MAP3K13: variants seen among roughly 807,000 people sequenced by gnomAD.
The protein encoded by MAP3K13 is mitogen-activated protein kinase kinase kinase 13.
MAP3K13 carries 52 observed loss-of-function variants against 104.0 expected under a neutral mutation model. The observed-to-expected ratio is 0.50, with a 90% CI of 0.40 to 0.63. MAP3K13 has a LOEUF of 0.63. Among genes scored for constraint, MAP3K13 ranks in the 20% least tolerant of loss-of-function variants. The pLI is 0.00. For missense variants in MAP3K13, 914 were observed against 1,218.5 expected, an observed-to-expected ratio of 0.75 and a Z score of 3.72; for synonymous variants, 394 against 442.2, an observed-to-expected ratio of 0.89 and a Z score of 1.37.
intron 7 of MAP3K13, among the ~76,000 whole-genome samples, chr3:185,453,800 TATATATATATGATACATATATATGAG>T (rs1409173075): frequency 4.5e-4 from 22 of 48,658 alleles, no homozygotes; most frequent in African/African-American, 6.4e-4. Flanking sequence ...ATATATGAGA[TATATATATATGATACATATATATGAG>T]ATATATATAT....
intron 1 of MAP3K13, among the ~76,000 whole-genome samples, chr3:185,284,991 G>C (rs1720458312): frequency 6.6e-6 from 1 of 151,940 alleles, no homozygotes; most frequent in Non-Finnish European, 1.5e-5. Context: ...CTGTTAGATG[G>C]GGTATAGTGG....
chr3:185,449,290 T>C (rs1487355620), intron 5 of MAP3K13, among the ~76,000 whole-genome samples: 1 of 151,252 alleles, frequency 6.6e-6, no homozygotes. Context: ...GCAGAATCGC[T>C]TGAACCCAGG....
intron 2 of MAP3K13, among the ~76,000 whole-genome samples, chr3:185,313,977 G>T (rs1252039155): frequency 1.3e-5 from 2 of 152,222 alleles, no homozygotes; most frequent in Non-Finnish European, 2.9e-5. Context: ...AGCAGAATGT[G>T]TTGCCAAGAA....
intron 1 of MAP3K13, among the ~76,000 whole-genome samples, chr3:185,368,416 T>C (rs1355772052): frequency 6.6e-6 from 1 of 152,220 alleles, no homozygotes; most frequent in Non-Finnish European, 1.5e-5. Context: ...TAAAATCTTC[T>C]GTAGCACTGC....
In MAP3K13 at chr3:185,320,083, C is replaced by CTTT. The variant is rs11382487; in HGVS notation, c.-86+34453_-86+34455dup. ...TGAAAACTATTTGCTATGTAAGTAA[C>CTTT]TTTTTTTTTTTTTTTGAGAAGGAGT... On this transcript the variant is annotated intron_variant, in intron 2 of 14. Transcript: ENST00000424227. 9.7e-5 allele frequency among the ~76,000 whole-genome samples: 14 copies of CTTT among 143,822 alleles called. 1 individual carries two copies. The highest frequency in any genetic ancestry group is 1.5e-4 in the Non-Finnish European group (10 of 66,172). 94.4% of individuals were successfully genotyped at this position (143,822 alleles called of 152,430 possible).
upstream of MAP3K13, among the ~76,000 whole-genome samples, chr3:185,360,818 C>CTTTTTTTTTTTTTTTTTTTTTTTTT: frequency 1.3e-5 from 1 of 78,092 alleles, no homozygotes; most frequent in Non-Finnish European, 2.4e-5. Flanking sequence ...ACAGCTTTAG[C>CTTTTTTTTTTTTTTTTTTTTTTTTT]TTTTTTTTTT....
rs948665365 is a variant in MAP3K13 at position 185,486,393 on chromosome 3, A to T, written c.*3937A>T. 1.3e-5 allele frequency: 2 copies of T among 152,182 alleles called. No individual in the cohort carries two copies. The highest frequency in any genetic ancestry group is 1.3e-4 in the Admixed American group (2 of 15,274). 9.4% of individuals were successfully genotyped at this position (152,182 alleles called of 1,614,324 possible). A position where few individuals can be genotyped will look rare whatever the true frequency, so the allele number is the denominator to read the frequency against. On this transcript the variant is annotated 3_prime_UTR_variant, in exon 14 of 14. Transcript: ENST00000265026. ...TAGAATTGACTAGAGGTTTCAGAGG[A>T]GAATAAGGTCCTTAGTGGAGGTTAA...
intron 2 of MAP3K13, chr3:185,328,547 G>C (rs947169590): frequency 2.0e-5 from 3 of 152,262 alleles, no homozygotes; most frequent in Admixed American, 2.0e-4. Context: ...ACTGCAGGTG[G>C]CTGGGAAAGT....
At chr3:185,381,187 T>C (rs1290502653) in intron 1 of MAP3K13, among the ~76,000 whole-genome samples, 1 of 152,098 alleles carries the variant, frequency 6.6e-6, no homozygotes, top group Non-Finnish European at 1.5e-5. Flanking sequence ...GATCTCGAAC[T>C]CCTGACTCAA....
chr3:185,352,477 G>A (rs1336370599), intron 2 of MAP3K13, among the ~76,000 whole-genome samples: 1 of 152,002 alleles, frequency 6.6e-6, no homozygotes, highest in Non-Finnish European at 1.5e-5. Flanking sequence ...AAGTAGGAGT[G>A]GGGATCAAGG....
chr3:185,325,847 G>A (rs540161886), intron 2 of MAP3K13, among the ~76,000 whole-genome samples: 2 of 152,304 alleles, frequency 1.3e-5, no homozygotes, highest in African/African-American at 4.8e-5. Flanking sequence ...CTTGATCTCT[G>A]CTTTGGCCAC....
rs111339475 is a variant in MAP3K13 at position 185,482,321 on chromosome 3, C to A, written c.2800-34C>A. ...TGACATATATTTACTGAGTGATTATCGAAATGAATTAAGGTTTTGTCTTGC... is the reference window on the plus strand; with the variant it reads ...TGACATATATTTACTGAGTGATTATAGAAATGAATTAAGGTTTTGTCTTGC... On this transcript the variant is annotated intron_variant, in intron 13 of 13. Coordinates refer to ENST00000265026, the MANE Select transcript of MAP3K13 (RefSeq NM_004721.5). This position sits in a 1 kb window ranked among gnomAD's most constrained non-coding sequence, Gnocchi z 4.5. 1 of 1,446,668 alleles carries A rather than the reference C, an allele frequency of 6.9e-7. No homozygotes were observed. The highest frequency in any genetic ancestry group is 1.1e-5 in the South Asian group (1 of 87,534). 89.6% of individuals were successfully genotyped at this position (1,446,668 alleles called of 1,614,324 possible). A position where few individuals can be genotyped will look rare whatever the true frequency, so the allele number is the denominator to read the frequency against.
intron 1 of MAP3K13, among the ~76,000 whole-genome samples, chr3:185,379,146 C>G (rs2108756728): frequency 6.6e-6 from 1 of 152,154 alleles, no homozygotes. Context: ...GACTTGCCAC[C>G]AAGGGAATGT....
chr3:185,476,998 C>T (rs1024556825), intron 11 of MAP3K13: 5 of 450,806 alleles, frequency 1.1e-5, no homozygotes, highest in Admixed American at 5.7e-5. Flanking sequence ...AGAGACTGAC[C>T]CCAAATCCAA....
At chr3:185,313,693 G>T (rs1721576900) in intron 2 of MAP3K13, among the ~76,000 whole-genome samples, 1 of 151,060 alleles carries the variant, frequency 6.6e-6, no homozygotes, top group African/African-American at 2.4e-5. Context: ...TAAAAATTTT[G>T]TAAAATACCT....
chr3:185,363,068 A>G, upstream of MAP3K13: 2 of 985,092 alleles, frequency 2.0e-6, no homozygotes, highest in Non-Finnish European at 2.4e-6. Flanking sequence ...TTCTAAAAGA[A>G]GGAAGGCCAT....
chr3:185,380,446 G>T (rs983920847), intron 1 of MAP3K13, among the ~76,000 whole-genome samples: 2 of 149,492 alleles, frequency 1.3e-5, no homozygotes, highest in East Asian at 4.0e-4. Context: ...GGGAGGCAGA[G>T]GTTGCAGTGA....
chr3:185,374,064 CA>C (rs1447877366), intron 1 of MAP3K13, among the ~76,000 whole-genome samples: 1 of 152,126 alleles, frequency 6.6e-6, no homozygotes, highest in African/African-American at 2.4e-5. Flanking sequence ...GGGGAGACTA[CA>C]AAGTACATTG....
chr3:185,369,272 A>G (rs1232906662), intron 1 of MAP3K13, among the ~76,000 whole-genome samples: 1 of 152,198 alleles, frequency 6.6e-6, no homozygotes, highest in East Asian at 1.9e-4. Flanking sequence ...TGTATTGTTT[A>G]TGTGCGGATA....
Sources: allele counts gnomAD v4.1 joint callset (sites outside exome capture counted in the v4.1 genomes callset), GRCh38; gene constraint gnomAD v4.1.1; non-coding constraint Gnocchi (gnomAD v3.1); transcripts MANE v1.5; gene names NCBI Gene and HGNC (gene_info 2026-07-23, HGNC 2026-07-21).